WDR7: variants seen among roughly 807,000 people sequenced by gnomAD.
WDR7 encodes the protein WD repeat-containing protein 7.
In WDR7, 46 loss-of-function variants were observed where a neutral mutation model predicts 169.4. The ratio of observed to expected loss-of-function variants is 0.27; its 90% CI spans 0.21 to 0.35. WDR7 has a LOEUF of 0.35. Ranked by LOEUF, WDR7 falls within the 10% of genes least tolerant of loss-of-function variation. The probability of loss-of-function intolerance (pLI) is 1.00; values close to 1 mark genes in which losing one functional copy is unlikely to be tolerated. For missense variants in WDR7, 1,534 were observed against 1,859.3 expected (o/e 0.83, Z 3.22); for synonymous variants, 612 against 666.8 (o/e 0.92, Z 1.27).
At chr18:56,889,301 C>A (rs1229291540) in intron 21 of WDR7, among the ~76,000 whole-genome samples, 2 of 152,202 alleles carry the variant, frequency 1.3e-5, no homozygotes, top group Non-Finnish European at 2.9e-5. Flanking sequence ...TTATTTAACA[C>A]CTTTTTAATT....
chr18:56,697,222 G>A (rs1170176315), intron 12 of WDR7, among the ~76,000 whole-genome samples: 1 of 152,118 alleles, frequency 6.6e-6, no homozygotes, highest in Non-Finnish European at 1.5e-5. Context: ...TTCATTCACC[G>A]TCACCAGCTC....
chr18:56,667,664 G>A (rs559866326), intron 1 of WDR7, among the ~76,000 whole-genome samples: 2 of 152,272 alleles, frequency 1.3e-5, no homozygotes, highest in South Asian at 4.2e-4. Context: ...AAAGCTTTCA[G>A]TATTTAAAAC....
chr18:56,730,974 A>G (rs1598997997), intron 13 of WDR7, among the ~76,000 whole-genome samples: 3 of 152,162 alleles, frequency 2.0e-5, no homozygotes, highest in Non-Finnish European at 4.4e-5. Flanking sequence ...TCAATGAGGA[A>G]AAAAACAAAT....
Position 56,731,483 on chromosome 18 carries a change from A to G in WDR7, c.1875A>G (p.Ala625=), listed in dbSNP as rs745810256. 1.2e-6 allele frequency: 2 copies of G among 1,614,194 alleles called. No homozygotes were observed. Among genetic ancestry groups the G allele is most frequent in the East Asian group, 2.2e-5 (1 of 44,874 alleles). ...PAAVDSLSHP[A]VNLKQAMTRR... ...CTGTTGATTCACTTAGTCATCCAGCAGTCAACCTAAAACAAGCTATGACGA... is the reference window on the plus strand; with the variant it reads ...CTGTTGATTCACTTAGTCATCCAGCGGTCAACCTAAAACAAGCTATGACGA... The change falls in exon 14 of 28, where the codon GCA becomes GCG. Residue 625 remains alanine (A), a synonymous_variant. Transcript: ENST00000254442.
At chr18:56,671,032 T>G (rs2025122750) in intron 1 of WDR7, among the ~76,000 whole-genome samples, 1 of 152,234 alleles carries the variant, frequency 6.6e-6, no homozygotes, top group Non-Finnish European at 1.5e-5. Flanking sequence ...ATTTTAATTT[T>G]GTTATATTAA....
chr18:56,923,987 C>T lies in WDR7; in HGVS notation c.3592C>T (p.Arg1198Ter). The T allele has an allele frequency of 2.5e-6, 4 of 1,611,820 alleles. No homozygotes were observed. Among genetic ancestry groups the T allele is most frequent in the South Asian group, 1.1e-5 (1 of 90,426 alleles). Residue 1198 changes from arginine (R) to a stop codon, truncating the protein, a stop_gained, in exon 22 of 28, where the codon CGA (arginine) becomes TGA (stop). Transcript: ENST00000254442. LOFTEE classifies it high-confidence loss of function. ...CAAACTTCCTCCACACAGCACTATC[C>T]GAAGAACAGCCATTGATCTGATTGG... Reference protein sequence around the residue: ...SPKLPPHSTIRRTAIDLIGRG... With the variant: ...SPKLPPHSTI
chr18:56,864,050 C>T (rs558936891), intron 20 of WDR7, among the ~76,000 whole-genome samples: 2 of 151,688 alleles, frequency 1.3e-5, no homozygotes, highest in African/African-American at 4.8e-5. Context: ...TATTGTGATA[C>T]TACATTTACC....
In WDR7 at chr18:56,792,774, A is replaced by ACACACG. The variant is rs1206951148; in HGVS notation, c.3190+11123_3190+11124insGCACAC. 4.8e-3 allele frequency among the ~76,000 whole-genome samples: 725 copies of ACACACG among 151,928 alleles called. 5 individuals are homozygous for ACACACG. Among genetic ancestry groups the ACACACG allele is most frequent in the African/African-American group, 0.017 (692 of 41,406 alleles). ...ACAAATTATTTTCTTTAACACACAC[A>ACACACG]CACACACACACACACACAGACACAC... is the stretch of plus-strand genomic sequence containing the variant. On this transcript the variant is annotated intron_variant, in intron 19 of 27. Coordinates refer to ENST00000254442, the MANE Select transcript of WDR7 (RefSeq NM_015285.3).
intron 21 of WDR7, among the ~76,000 whole-genome samples, chr18:56,889,814 T>G (rs1281968300): frequency 1.8e-4 from 28 of 152,158 alleles, no homozygotes; most frequent in Admixed American, 1.8e-3. Flanking sequence ...AGCTTTCATT[T>G]AGGAATGTGC....
chr18:56,856,437 G>A (rs1200151852), intron 20 of WDR7, among the ~76,000 whole-genome samples: 1 of 152,120 alleles, frequency 6.6e-6, no homozygotes, highest in Non-Finnish European at 1.5e-5. Flanking sequence ...TGGAGGCTGA[G>A]GCACAAGAAT....
intron 22 of WDR7, among the ~76,000 whole-genome samples, chr18:56,930,245 C>G (rs1247823205): frequency 6.6e-6 from 1 of 152,186 alleles, no homozygotes; most frequent in African/African-American, 2.4e-5. Context: ...AGAAAGATTC[C>G]TTTTGAACTA....
At chr18:56,939,455 T>A in intron 25 of WDR7, 62 bp downstream of exon 25, 1 of 1,335,930 alleles carries the variant, frequency 7.5e-7, no homozygotes, top group African/African-American at 1.5e-5. Context: ...ATTTTAAAAA[T>A]TTTTGGCATG....
At chr18:56,858,515 G>T (rs1053011720) in intron 20 of WDR7, among the ~76,000 whole-genome samples, 39 of 151,756 alleles carry the variant, frequency 2.6e-4, no homozygotes, top group African/African-American at 8.9e-4. Flanking sequence ...ACAAGGTCTC[G>T]CTCTGTTGCC....
intron 20 of WDR7, among the ~76,000 whole-genome samples, chr18:56,849,253 C>T (rs566512801): frequency 6.6e-6 from 1 of 152,236 alleles, no homozygotes; most frequent in African/African-American, 2.4e-5. Context: ...TTTAGTTCTA[C>T]TCTATTTTGT....
chr18:56,993,474 C>G (rs1257210071), intron 26 of WDR7, among the ~76,000 whole-genome samples: 1 of 152,098 alleles, frequency 6.6e-6, no homozygotes, highest in Admixed American at 6.6e-5. Flanking sequence ...TCATCCAGTA[C>G]TGTGATTTTA....
In WDR7 at chr18:56,756,813, A is replaced by C. The variant is rs1439002188; in HGVS notation, c.2220A>C (p.Ala740=). The C allele has an allele frequency of 6.2e-7, 1 of 1,614,166 alleles. No homozygotes were observed. Among genetic ancestry groups the C allele is most frequent in the South Asian group, 1.1e-5 (1 of 91,080 alleles). The stretch of plus-strand genomic sequence containing the variant: ...CTTTTTTAACTGGAAAACGAGCAGC[A>C]GTTCTCTTCCAACAAGTGAAAGAAA... ...GGSFLTGKRA[A]VLFQQVKETI... The change falls in exon 15 of 28, where the codon GCA becomes GCC. Residue 740 remains alanine, a synonymous_variant. Transcript: ENST00000254442.
At chr18:56,718,712 C>T (rs963735427) in intron 13 of WDR7, among the ~76,000 whole-genome samples, 11 of 152,236 alleles carry the variant, frequency 7.2e-5, no homozygotes, top group African/African-American at 2.6e-4. Flanking sequence ...TGTGGTTTTC[C>T]CTCAGAAATT....
chr18:56,869,404 T>C (rs900702589), intron 20 of WDR7, among the ~76,000 whole-genome samples: 10 of 152,174 alleles, frequency 6.6e-5, no homozygotes, highest in African/African-American at 2.4e-4. Context: ...AGCATGTTTG[T>C]TTACTTCAGT....
intron 1 of WDR7, among the ~76,000 whole-genome samples, chr18:56,653,088 G>T (rs758913458): frequency 1.3e-5 from 2 of 152,142 alleles, no homozygotes; most frequent in Non-Finnish European, 2.9e-5. Flanking sequence ...TTAGTGGTGT[G>T]ATGTTTATTA....
Sources: gnomAD v4.1 joint callset for allele counts (sites outside exome capture counted in the v4.1 genomes callset) on GRCh38, gnomAD v4.1.1 for gene constraint, MANE v1.5 for transcripts, NCBI Gene and HGNC (gene_info 2026-07-23, HGNC 2026-07-21) for gene names.